Variants in MYO3B observed in about 807,000 individuals in gnomAD.
MYO3B encodes myosin-IIIb.
MYO3B carries 156 observed loss-of-function variants against 174.6 expected under a neutral mutation model. The observed-to-expected ratio is 0.89, with a 90% CI of 0.78 to 1.02. The LOEUF (loss-of-function observed/expected upper bound fraction) is 1.02. Among genes scored for constraint, MYO3B ranks in the 50% least tolerant of loss-of-function variants. The pLI, the probability that MYO3B is intolerant of heterozygous loss-of-function variation, is 0.00. For missense variants in MYO3B, 1,632 were observed against 1,639.4 expected, an observed-to-expected ratio of 1.00 and a Z score of 0.08; for synonymous variants, 563 against 569.1, an observed-to-expected ratio of 0.99 and a Z score of 0.15.
chr2:170,237,086 T>C (rs552736351), intron 7 of MYO3B, among the ~76,000 whole-genome samples: 3 of 152,340 alleles, frequency 2.0e-5, no homozygotes, highest in South Asian at 2.1e-4. Flanking sequence ...ATTCCAAAAA[T>C]GATTCCCACC....
intron 15 of MYO3B, among the ~76,000 whole-genome samples, chr2:170,391,964 G>C (rs565864132): frequency 6.6e-6 from 1 of 151,960 alleles, no homozygotes; most frequent in African/African-American, 2.4e-5. Flanking sequence ...AGACCAGCCA[G>C]GGCAGCATAG....
chr2:170,421,234 T>C lies in MYO3B; in HGVS notation c.2650+13390T>C, dbSNP rs926733120. Among the ~76,000 whole-genome samples the C allele has an allele frequency of 5.3e-5, 8 of 152,282 alleles. No individual in the cohort carries two copies. In the East Asian group the frequency reaches 1.2e-3, roughly 22 times the overall value. ...CCAGAATCAGATCTATTTTAATAAG[T>C]TGTGAAATTCAGAAGGCGCTCCATT... On this transcript the variant is annotated intron_variant, in intron 22 of 34. Transcript: ENST00000408978.
intron 7 of MYO3B, among the ~76,000 whole-genome samples, chr2:170,330,560 G>A (rs1240762375): frequency 6.6e-6 from 1 of 152,178 alleles, no homozygotes; most frequent in Non-Finnish European, 1.5e-5. Flanking sequence ...GAAGCACTTG[G>A]CATGAAGCTT....
chr2:170,398,827 A>G (rs75576262), intron 16 of MYO3B, among the ~76,000 whole-genome samples: 4,434 of 152,294 alleles, frequency 0.029, 211 homozygotes, highest in African/African-American at 0.099. Flanking sequence ...CAGTCAGGAC[A>G]TGAAAAGTCA....
chr2:170,378,146 C>T lies in MYO3B; in HGVS notation c.972-3870C>T, dbSNP rs75049908. The stretch of plus-strand genomic sequence containing the variant: ...AATAGAGAAATATAAAACAACGTAA[C>T]GCTTTTTATAAGCTTATGCAAAGTC... On this transcript the variant is annotated intron_variant, in intron 9 of 34. Transcript: ENST00000408978. 1.8e-4 allele frequency among the ~76,000 whole-genome samples: 28 copies of T among 152,086 alleles called. No individual in the cohort carries two copies. The East Asian group carries it at 3.5e-3, about 19-fold the overall frequency.
intron 32 of MYO3B, among the ~76,000 whole-genome samples, chr2:170,629,409 C>G (rs1261907861): frequency 6.6e-6 from 1 of 152,120 alleles, no homozygotes; most frequent in African/African-American, 2.4e-5. Flanking sequence ...ATAAACTGGC[C>G]AGAAGCTTCA....
chr2:170,189,232 C>T (rs556716543), intron 1 of MYO3B, among the ~76,000 whole-genome samples: 8 of 152,098 alleles, frequency 5.3e-5, no homozygotes, highest in Admixed American at 2.0e-4. Flanking sequence ...GTCATTTCTC[C>T]TGCTGCTTGT....
chr2:170,182,680 C>T (rs975832896), intron 1 of MYO3B, among the ~76,000 whole-genome samples: 10 of 147,340 alleles, frequency 6.8e-5, no homozygotes, highest in African/African-American at 2.5e-4. Context: ...GGCGTGATCT[C>T]AGCTGTCTGC....
chr2:170,357,220 T>A (rs2094128432), intron 8 of MYO3B, among the ~76,000 whole-genome samples: 1 of 151,516 alleles, frequency 6.6e-6, no homozygotes, highest in South Asian at 2.1e-4. Flanking sequence ...GGCAGGAGAA[T>A]CCCTTGAACC....
chr2:170,615,309 T>C (rs1695385382), intron 32 of MYO3B, among the ~76,000 whole-genome samples: 1 of 152,214 alleles, frequency 6.6e-6, no homozygotes, highest in African/African-American at 2.4e-5. Context: ...CCTGGCCTCA[T>C]GGAGCTGACA....
At chr2:170,424,230 T>C (rs1379107196) in intron 22 of MYO3B, among the ~76,000 whole-genome samples, 1 of 152,204 alleles carries the variant, frequency 6.6e-6, no homozygotes, top group Admixed American at 6.5e-5. Flanking sequence ...GAGTTCCTTT[T>C]CCAGGACATC....
intron 8 of MYO3B, chr2:170,340,300 T>C (rs2093969139): frequency 6.6e-6 from 1 of 152,210 alleles, no homozygotes; most frequent in African/African-American, 2.4e-5. Flanking sequence ...ACAATCAAGA[T>C]GGATTTCTCT....
At chr2:170,313,013 A>G (rs950292950) in intron 7 of MYO3B, among the ~76,000 whole-genome samples, 1 of 152,232 alleles carries the variant, frequency 6.6e-6, no homozygotes, top group African/African-American at 2.4e-5. Flanking sequence ...AAGGACCTAG[A>G]CAACTGGGTA....
intron 29 of MYO3B, among the ~76,000 whole-genome samples, chr2:170,516,053 G>A (rs1201038743): frequency 6.6e-6 from 1 of 152,074 alleles, no homozygotes; most frequent in African/African-American, 2.4e-5. Flanking sequence ...GTCACAAATA[G>A]GAGATCCTCC....
At chr2:170,211,195 C>G (rs2092766237) in intron 3 of MYO3B, among the ~76,000 whole-genome samples, 1 of 152,154 alleles carries the variant, frequency 6.6e-6, no homozygotes, top group East Asian at 1.9e-4. Context: ...TATCTTAGGG[C>G]CTGCCATGCA....
chr2:170,627,815 C>T (rs1008265431), intron 32 of MYO3B, among the ~76,000 whole-genome samples: 10 of 152,216 alleles, frequency 6.6e-5, no homozygotes, highest in African/African-American at 2.4e-4. Flanking sequence ...TGGAGGTCCA[C>T]TCCAGACCCT....
At chr2:170,375,612 C>T (rs578165623) in intron 9 of MYO3B, among the ~76,000 whole-genome samples, 1 of 151,746 alleles carries the variant, frequency 6.6e-6, no homozygotes, top group South Asian at 2.1e-4. Flanking sequence ...TTCTTTTCAA[C>T]CTGCAGCAAT....
chr2:170,556,946 C>T (rs1030756929), intron 32 of MYO3B, among the ~76,000 whole-genome samples: 5 of 152,140 alleles, frequency 3.3e-5, no homozygotes, highest in South Asian at 2.1e-4. Flanking sequence ...GACATCTGTG[C>T]GTCTTATTTG....
intron 28 of MYO3B, among the ~76,000 whole-genome samples, chr2:170,504,000 G>A (rs1030258338): frequency 2.6e-4 from 39 of 152,138 alleles, no homozygotes; most frequent in Non-Finnish European, 2.9e-4. Context: ...GCATAATTGC[G>A]TTTATCTAAG....
Sources: gnomAD v4.1 joint callset for allele counts (sites outside exome capture counted in the v4.1 genomes callset) on GRCh38, gnomAD v4.1.1 for gene constraint, MANE v1.5 for transcripts, NCBI Gene and HGNC (gene_info 2026-07-23, HGNC 2026-07-21) for gene names.